The following MMP28 variants were observed in gnomAD, a reference collection of about 807,000 sequenced individuals.
MMP28 encodes the protein matrix metalloproteinase-28.
In MMP28, 55 loss-of-function variants were observed where a neutral mutation model predicts 60.5. The observed-to-expected ratio is 0.91, with a 90% confidence interval of 0.73 to 1.14. The LOEUF is 1.14. MMP28 is among the 50% of genes most tolerant of loss of function. MMP28 has a pLI of 0.00. For missense variants in MMP28, 686 were observed against 738.3 expected, an observed-to-expected ratio of 0.93 and a Z score of 0.82; for synonymous variants, 318 against 312.5, an observed-to-expected ratio of 1.02 and a Z score of -0.18.
At chr17:35,792,122 G>A (rs1005055035) in intron 1 of MMP28, among the ~76,000 whole-genome samples, 2 of 152,030 alleles carry the variant, frequency 1.3e-5, no homozygotes, top group African/African-American at 2.4e-5. Flanking sequence ...TTCCCTAAAC[G>A]ACACAACAGT....
downstream of MMP28, chr17:35,764,661 C>T (rs782057077): frequency 6.6e-7 from 1 of 1,520,414 alleles, no homozygotes; most frequent in Non-Finnish European, 8.8e-7. Context: ...CATTTCCTGG[C>T]CCCAGACCCC....
At position 35,791,526 on chromosome 17, in the gene MMP28, A is replaced by T. The variant is rs1009883860; in HGVS notation, c.111+3741T>A. 3.9e-5 allele frequency among the ~76,000 whole-genome samples: 6 copies of T among 152,234 alleles called. No homozygotes were observed. In the South Asian group the frequency reaches 1.0e-3, roughly 26 times the overall value. On this transcript the variant is annotated intron_variant, in intron 1 of 7. Transcript: ENST00000605424. ...AAATAAAAATAAAGTCCAATTTATG[A>T]TGTTATTATTTTGCTTTAAGCAGCC...
chr17:35,794,857 C>T (rs975916745), intron 1 of MMP28, among the ~76,000 whole-genome samples: 1 of 152,194 alleles, frequency 6.6e-6, no homozygotes, highest in Admixed American at 6.5e-5. Context: ...GCGCTGTGTC[C>T]CGCGTCCCGG....
intron 3 of MMP28, among the ~76,000 whole-genome samples, chr17:35,778,347 G>C (rs948065941): frequency 6.6e-6 from 1 of 152,266 alleles, no homozygotes; most frequent in East Asian, 1.9e-4. Flanking sequence ...TTTCTTTTCA[G>C]GGTGATGAAA....
intron 2 of MMP28, among the ~76,000 whole-genome samples, chr17:35,759,378 G>A (rs2085776348): frequency 6.6e-6 from 1 of 152,200 alleles, no homozygotes; most frequent in Admixed American, 6.5e-5. Context: ...TGAGCAAACA[G>A]CAGGTTTGCT....
At chr17:35,794,540 C>A (rs77497946) in intron 1 of MMP28, among the ~76,000 whole-genome samples, 1 of 152,020 alleles carries the variant, frequency 6.6e-6, no homozygotes, top group African/African-American at 2.4e-5. Flanking sequence ...GCCACCGCGT[C>A]CGGCCTACAC....
chr17:35,757,372 G>A (rs887947614), intron 2 of MMP28: 5 of 152,082 alleles, frequency 3.3e-5, no homozygotes, highest in African/African-American at 9.7e-5. Flanking sequence ...GAAGTCTGTT[G>A]GAGAGCTTCT....
chr17:35,773,113 C>T, intron 4 of MMP28, 67 bp downstream of exon 4: 1 of 1,467,346 alleles, frequency 6.8e-7, no homozygotes, highest in Non-Finnish European at 9.3e-7. Flanking sequence ...TTCATTGCCA[C>T]CCCCAAACTG....
At chr17:35,757,175 T>TAAATAAATA (rs1555600646) in intron 2 of MMP28, 3 of 151,374 alleles carry the variant, frequency 2.0e-5, no homozygotes, top group African/African-American at 7.3e-5. Flanking sequence ...AATAAATAAA[T>TAAATAAATA]AAATAAAATA....
intron 4 of MMP28, among the ~76,000 whole-genome samples, chr17:35,771,168 C>T (rs928396362): frequency 2.6e-5 from 4 of 152,148 alleles, no homozygotes; most frequent in Admixed American, 1.3e-4. Context: ...TGCGGTGGCT[C>T]ACGCCTGTAA....
At chr17:35,774,987 A>C (rs1555607253) in intron 3 of MMP28, among the ~76,000 whole-genome samples, 1 of 152,124 alleles carries the variant, frequency 6.6e-6, no homozygotes. Flanking sequence ...CCATTAGCAT[A>C]GTGTGAGATG....
At chr17:35,762,892 G>A (rs894588619), downstream of MMP28, among the ~76,000 whole-genome samples, 1 of 152,102 alleles carries the variant, frequency 6.6e-6, no homozygotes, top group Admixed American at 6.6e-5. Flanking sequence ...TTGGGAGGCC[G>A]AGGCGGGCAG....
intron 3 of MMP28, among the ~76,000 whole-genome samples, chr17:35,774,841 G>C (rs148485523): frequency 6.6e-6 from 1 of 152,208 alleles, no homozygotes; most frequent in Non-Finnish European, 1.5e-5. Context: ...CCAGAGGTGC[G>C]GCTGAGGGTT....
downstream of MMP28, chr17:35,764,734 C>T: frequency 1.7e-6 from 2 of 1,199,812 alleles, no homozygotes; most frequent in Non-Finnish European, 1.1e-6. Flanking sequence ...ACCGCCCCTT[C>T]TCAGCTGCTG....
In MMP28 at chr17:35,773,329, C is replaced by T. The variant is rs540834874; in HGVS notation, c.455G>A (p.Arg152Gln). ...CTGGAAGGCGGCGCGCACGGCGCCC[C>T]GAACTGCCGGCTCCGGCAGATGCTC... ...WPEHLPEPAV[R>Q]GAVRAAFQLW... The change falls in exon 4 of 8, where the codon CGG (arginine) becomes CAG (glutamine). Residue 152 changes from arginine (R) to glutamine (Q), a missense_variant. Transcript: ENST00000605424. 3.7e-6 allele frequency: 6 copies of T among 1,612,918 alleles called. No homozygotes were observed. The highest frequency in any genetic ancestry group is 2.2e-5 in the East Asian group (1 of 44,842).
chr17:35,773,138 G>A (rs776532326), intron 4 of MMP28, 42 bp downstream of exon 4: 1 of 1,581,666 alleles, frequency 6.3e-7, no homozygotes, highest in Non-Finnish European at 8.6e-7. Context: ...TCCAAGTTGG[G>A]TTCCCCTCCT....
intron 3 of MMP28, chr17:35,778,651 T>G: frequency 1.0e-6 from 1 of 975,674 alleles, no homozygotes; most frequent in South Asian, 1.9e-5. Context: ...GGTTTTGTGT[T>G]TGATCTGGAA....
rs1056418 is a variant in MMP28 at position 35,765,915 on chromosome 17, G to A, written c.*585C>T. 1 of 985,342 alleles carries A rather than the reference G, an allele frequency of 1.0e-6. No homozygotes were observed. Among genetic ancestry groups the A allele is most frequent in the Non-Finnish European group, 1.2e-6 (1 of 829,920 alleles). The allele number at this position is 985,342 out of a possible 1,614,324, so 61.0% of individuals were successfully genotyped here. A position where few individuals can be genotyped will look rare whatever the true frequency, so the allele number is the denominator to read the frequency against. On this transcript the variant is annotated 3_prime_UTR_variant, in exon 8 of 8. Coordinates refer to ENST00000605424, the MANE Select transcript of MMP28 (RefSeq NM_024302.5). ...AAGGCACCTCTTTATTCCAGCCCCA[G>A]ACAAAAAGCCAGGGACTGGTAGGCC...
chr17:35,773,305 T>A lies in MMP28; in HGVS notation c.479A>T (p.Gln160Leu). 6.2e-7 allele frequency: 1 copy of A among 1,613,796 alleles called. No homozygotes were observed. Among genetic ancestry groups the A allele is most frequent in the South Asian group, 1.1e-5 (1 of 91,050 alleles). The change falls in exon 4 of 8, where the codon CAG (glutamine) becomes CTG (leucine). Residue 160 changes from glutamine to leucine, a missense_variant. Physicochemically the swap from Gln to Leu is moderately radical, Grantham distance 113. Transcript: ENST00000605424. The part of the protein sequence containing the change: ...AVRGAVRAAF[Q>L]LWSNVSALEF... ...CAGCGCTGAGACGTTGCTCCACAAC[T>A]GGAAGGCGGCGCGCACGGCGCCCCG... is the stretch of plus-strand genomic sequence containing the variant.
Sources: allele counts gnomAD v4.1 joint callset (sites outside exome capture counted in the v4.1 genomes callset), GRCh38; gene constraint gnomAD v4.1.1; transcripts MANE v1.5; gene names NCBI Gene and HGNC (gene_info 2026-07-23, HGNC 2026-07-21).